The following CCSER1 variants were observed in gnomAD, a reference collection of about 807,000 sequenced individuals.
CCSER1 encodes the protein serine-rich coiled-coil domain-containing protein 1.
A neutral mutation model predicts 82.0 loss-of-function variants in CCSER1; 41 were observed. That is an observed-to-expected ratio of 0.50 (90% CI 0.39 to 0.65). CCSER1 has a LOEUF of 0.65. CCSER1 is among the 30% of genes least tolerant of loss of function. The probability of loss-of-function intolerance (pLI) is 0.00; values close to 1 mark genes in which losing one functional copy is unlikely to be tolerated. For synonymous variants in CCSER1, 414 were observed against 383.9 expected (o/e 1.08, Z -0.92); for missense variants, 1,119 against 1,064.2 (o/e 1.05, Z -0.72).
intron 10 of CCSER1, among the ~76,000 whole-genome samples, chr4:91,367,135 A>C (rs1000859038): frequency 6.1e-5 from 9 of 148,152 alleles, no homozygotes; most frequent in Non-Finnish European, 1.3e-4. Context: ...CTCTCCAAAA[A>C]AAAAAAAAAA....
intron 10 of CCSER1, among the ~76,000 whole-genome samples, chr4:91,404,897 G>A (rs546322025): frequency 6.6e-6 from 1 of 152,330 alleles, no homozygotes; most frequent in East Asian, 1.9e-4. Context: ...GAGTTCTGTA[G>A]ATGTCTATTA....
chr4:91,464,149 G>A (rs189003732), intron 10 of CCSER1, among the ~76,000 whole-genome samples: 24 of 152,288 alleles, frequency 1.6e-4, no homozygotes, highest in African/African-American at 3.4e-4. Context: ...AACTAACAGC[G>A]GATCTCTCAG....
chr4:91,400,244 T>G (rs1033020685), intron 10 of CCSER1, among the ~76,000 whole-genome samples: 3 of 152,000 alleles, frequency 2.0e-5, no homozygotes, highest in African/African-American at 7.2e-5. Context: ...CAGCTTTTCC[T>G]TAAACCTTTT....
intron 3 of CCSER1, among the ~76,000 whole-genome samples, chr4:90,366,052 C>T (rs925618208): frequency 2.0e-5 from 3 of 151,758 alleles, no homozygotes; most frequent in East Asian, 1.9e-4. Flanking sequence ...CTATAACAGG[C>T]GTAATCAAAG....
chr4:90,590,537 G>A (rs1256177278), intron 5 of CCSER1, among the ~76,000 whole-genome samples: 1 of 151,714 alleles, frequency 6.6e-6, no homozygotes, highest in Non-Finnish European at 1.5e-5. Context: ...CCGAGATCGC[G>A]CTATTGCACA....
intron 8 of CCSER1, among the ~76,000 whole-genome samples, chr4:90,821,762 A>G (rs1020470897): frequency 6.6e-5 from 10 of 152,176 alleles, no homozygotes; most frequent in African/African-American, 1.4e-4. Context: ...CTTCTGAGAA[A>G]GTTTCAGTGT....
chr4:90,790,877 G>T (rs1211437451), intron 7 of CCSER1, among the ~76,000 whole-genome samples: 1 of 152,088 alleles, frequency 6.6e-6, no homozygotes, highest in Non-Finnish European at 1.5e-5. Flanking sequence ...CTGTTACCCA[G>T]TTCCAAAGTC....
At chr4:90,870,267 C>A (rs1766292785) in intron 8 of CCSER1, among the ~76,000 whole-genome samples, 1 of 151,796 alleles carries the variant, frequency 6.6e-6, no homozygotes, top group Admixed American at 6.6e-5. Context: ...TTGTTGTGTT[C>A]CAGATCTTAG....
intron 6 of CCSER1, among the ~76,000 whole-genome samples, chr4:90,665,391 G>A (rs112625415): frequency 2.0e-5 from 3 of 150,898 alleles, no homozygotes; most frequent in African/African-American, 4.9e-5. Flanking sequence ...GCGTGATCTC[G>A]GCTCACTGCA....
At chr4:91,391,936 A>T (rs961148331) in intron 10 of CCSER1, among the ~76,000 whole-genome samples, 1 of 152,122 alleles carries the variant, frequency 6.6e-6, no homozygotes, top group Non-Finnish European at 1.5e-5. Flanking sequence ...TTATGCACAT[A>T]TGTACATATA....
intron 6 of CCSER1, among the ~76,000 whole-genome samples, chr4:90,660,407 T>C (rs903521440): frequency 6.6e-6 from 1 of 152,062 alleles, no homozygotes; most frequent in African/African-American, 2.4e-5. Context: ...GAAGCCATTA[T>C]CCTTAATGAA....
intron 3 of CCSER1, among the ~76,000 whole-genome samples, chr4:90,381,114 G>A (rs1749138118): frequency 6.6e-6 from 1 of 152,230 alleles, no homozygotes; most frequent in South Asian, 2.1e-4. Flanking sequence ...TATGAGCAAG[G>A]ATTGTTCAGT....
intron 10 of CCSER1, among the ~76,000 whole-genome samples, chr4:91,155,131 T>C (rs1730683808): frequency 6.6e-6 from 1 of 151,974 alleles, no homozygotes; most frequent in African/African-American, 2.4e-5. Context: ...GGTATCTATT[T>C]GGAAATGTGA....
intron 6 of CCSER1, among the ~76,000 whole-genome samples, chr4:90,643,896 C>T (rs1053844658): frequency 1.3e-5 from 2 of 152,286 alleles, no homozygotes; most frequent in East Asian, 1.9e-4. Flanking sequence ...AATGTTACTT[C>T]TCTTTCCCCC....
intron 6 of CCSER1, among the ~76,000 whole-genome samples, chr4:90,709,942 A>G (rs969966457): frequency 8.0e-4 from 92 of 114,320 alleles, no homozygotes; most frequent in African/African-American, 3.1e-3. Context: ...CCTTGCCAGC[A>G]TCTGTTTTTT....
At chr4:91,299,621 C>T (rs60743433) in intron 10 of CCSER1, among the ~76,000 whole-genome samples, 4,006 of 151,768 alleles carry the variant, frequency 0.026, 192 homozygotes, top group African/African-American at 0.093. Context: ...AGCCATACAG[C>T]GTAAATAAGA....
At position 90,494,677 on chromosome 4, in the gene CCSER1, T is replaced by C. The variant is rs183524483; in HGVS notation, c.1724+26323T>C. Among the ~76,000 whole-genome samples, 8 of 152,304 alleles carry C rather than the reference T, an allele frequency of 5.3e-5. No homozygotes were observed. The East Asian group carries it at 1.5e-3, about 29-fold the overall frequency. Reference sequence around the variant, plus strand: ...GGGATAAAAACAAATGTCTGCAACGTATCTGGTATAGTTGGTGCTCAGTAA... The same window carrying C: ...GGGATAAAAACAAATGTCTGCAACGCATCTGGTATAGTTGGTGCTCAGTAA... On this transcript the variant is annotated intron_variant, in intron 5 of 10. Coordinates refer to ENST00000509176, the MANE Select transcript of CCSER1 (RefSeq NM_001145065.2).
intron 1 of CCSER1, among the ~76,000 whole-genome samples, chr4:90,175,948 CA>C (rs1237659940): frequency 6.6e-5 from 10 of 151,808 alleles, no homozygotes; most frequent in African/African-American, 2.4e-4. Context: ...AACATTTAGA[CA>C]GGTTGATGTA....
At chr4:90,821,300 A>C (rs1466925479) in intron 8 of CCSER1, among the ~76,000 whole-genome samples, 1 of 152,220 alleles carries the variant, frequency 6.6e-6, no homozygotes. Flanking sequence ...GCGAACTATT[A>C]AACAGGGTGG....
Sources: gnomAD v4.1 joint callset for allele counts (sites outside exome capture counted in the v4.1 genomes callset) on GRCh38, gnomAD v4.1.1 for gene constraint, MANE v1.5 for transcripts, NCBI Gene and HGNC (gene_info 2026-07-23, HGNC 2026-07-21) for gene names.